The following RELN variants were observed in gnomAD, a reference collection of about 807,000 sequenced individuals.
The protein encoded by RELN is reelin.
In RELN, 108 loss-of-function variants were observed where a neutral mutation model predicts 427.6. That is an observed-to-expected ratio of 0.25 (90% CI 0.22 to 0.30). RELN has a LOEUF of 0.30. Ranked by LOEUF, RELN falls within the 10% of genes least tolerant of loss-of-function variation. RELN has a pLI of 1.00. For missense variants in RELN, 3,715 were observed against 4,302.8 expected, an observed-to-expected ratio of 0.86 and a Z score of 3.82; for synonymous variants, 1,524 against 1,513.4, an observed-to-expected ratio of 1.01 and a Z score of -0.16.
chr7:103,901,613 T>C (rs3898845), intron 2 of RELN, among the ~76,000 whole-genome samples: 65,300 of 151,766 alleles, frequency 0.43, 14,497 homozygotes, highest in East Asian at 0.75. Context: ...ATGGATAAAC[T>C]TGAAAAACAT....
chr7:103,533,955 A>G (rs1829995877), intron 46 of RELN, among the ~76,000 whole-genome samples: 1 of 152,152 alleles, frequency 6.6e-6, no homozygotes, highest in African/African-American at 2.4e-5. Flanking sequence ...GCATGGCAAC[A>G]CCTTTAATGA....
chr7:103,667,171 C>T (rs1353687433), intron 11 of RELN, among the ~76,000 whole-genome samples: 1 of 152,164 alleles, frequency 6.6e-6, no homozygotes, highest in African/African-American at 2.4e-5. Flanking sequence ...GCTCAGCCAG[C>T]CTTGTTGTCA....
chr7:103,792,563 TG>T (rs1792193096), intron 3 of RELN, among the ~76,000 whole-genome samples: 1 of 13,556 alleles, frequency 7.4e-5, no homozygotes, highest in Non-Finnish European at 1.5e-4. Context: ...TTCCGGGGGA[TG>T]GGGGGATGGG....
chr7:103,706,003 C>T (rs1206983491), intron 8 of RELN, among the ~76,000 whole-genome samples: 1 of 152,126 alleles, frequency 6.6e-6, no homozygotes, highest in Non-Finnish European at 1.5e-5. Flanking sequence ...CGTATTTGTT[C>T]ATGGGCTAAA....
At chr7:103,890,106 A>G (rs1049922838) in intron 2 of RELN, among the ~76,000 whole-genome samples, 2 of 151,608 alleles carry the variant, frequency 1.3e-5, no homozygotes, top group Non-Finnish European at 2.9e-5. Flanking sequence ...GCTCATCACT[A>G]TGTCTCTGGT....
chr7:103,989,058 A>C lies in RELN; in HGVS notation c.226+73T>G. 1.5e-6 allele frequency: 2 copies of C among 1,348,968 alleles called. No homozygotes were observed. Among genetic ancestry groups the C allele is most frequent in the Middle Eastern group, 2.2e-4 (1 of 4,574 alleles). The allele number at this position is 1,348,968 out of a possible 1,614,324, so 83.6% of individuals were successfully genotyped here. On this transcript the variant is annotated intron_variant, in intron 1 of 64. Transcript: ENST00000428762. The surrounding 1 kb of genome is among the most constrained non-coding windows in gnomAD (Gnocchi z 4.9). ...CTTGTTTCCAAGGCCCCTTGGAAGA[A>C]GGAAAGGGATGAGAAAGGTGCGCTG...
chr7:103,983,585 C>T (rs1797036409), intron 1 of RELN, among the ~76,000 whole-genome samples: 1 of 152,132 alleles, frequency 6.6e-6, no homozygotes, highest in Non-Finnish European at 1.5e-5. Flanking sequence ...GTTGATGAGA[C>T]TGAAATGCTA....
chr7:103,531,187 G>A (rs77436375), intron 46 of RELN, among the ~76,000 whole-genome samples: 3,813 of 152,212 alleles, frequency 0.025, 148 homozygotes, highest in African/African-American at 0.085. Flanking sequence ...TTTTCATATG[G>A]TGAAAAGGAT....
intron 6 of RELN, among the ~76,000 whole-genome samples, chr7:103,741,161 AGTTAAAACTGCTTATC>A (rs1790644305): frequency 6.6e-6 from 1 of 152,188 alleles, no homozygotes; most frequent in East Asian, 1.9e-4. Context: ...GCTTTGGGAG[AGTTAAAACTGCTTATC>A]AGTTTCCAAA....
chr7:103,914,374 A>C (rs992819013), intron 2 of RELN, among the ~76,000 whole-genome samples: 2 of 152,092 alleles, frequency 1.3e-5, no homozygotes, highest in Non-Finnish European at 2.9e-5. Context: ...GCAATGACAA[A>C]TGATAGTTCC....
At position 103,597,259 on chromosome 7, in the gene RELN, T is replaced by G. The variant is rs78244143; in HGVS notation, c.3334-598A>C. 7.5e-4 allele frequency among the ~76,000 whole-genome samples: 114 copies of G among 152,280 alleles called. 2 individuals are homozygous for G. In the East Asian group the frequency reaches 0.018, roughly 24 times the overall value. On this transcript the variant is annotated intron_variant, in intron 24 of 64. Transcript: ENST00000428762. ...AGATATGGCCCTGACCCTCCTGTCC[T>G]GTGGGCATTAAAGTAGACCAGGCAA...
chr7:103,642,129 T>A (rs936059266), intron 16 of RELN, among the ~76,000 whole-genome samples: 7 of 152,016 alleles, frequency 4.6e-5, no homozygotes, highest in Admixed American at 4.6e-4. Flanking sequence ...GTTGAAAAAA[T>A]TTTTAAAATG....
intron 16 of RELN, among the ~76,000 whole-genome samples, chr7:103,642,104 C>T (rs1219372621): frequency 1.3e-5 from 2 of 151,934 alleles, no homozygotes; most frequent in African/African-American, 4.8e-5. Flanking sequence ...TCACTATTAT[C>T]GGTAATATAG....
chr7:103,538,024 C>T (rs1365363486), intron 45 of RELN, among the ~76,000 whole-genome samples: 2 of 152,204 alleles, frequency 1.3e-5, no homozygotes, highest in Non-Finnish European at 2.9e-5. Flanking sequence ...GGTATCCCAT[C>T]AGGTAGTCTG....
intron 44 of RELN, 57 bp downstream of exon 44, chr7:103,540,140 A>G: frequency 6.2e-7 from 1 of 1,604,002 alleles, no homozygotes; most frequent in Admixed American, 1.7e-5. Context: ...ATGCCTTCTA[A>G]GGCCACATTC....
chr7:103,941,216 A>G (rs942729163), intron 1 of RELN, among the ~76,000 whole-genome samples: 19 of 152,206 alleles, frequency 1.2e-4, no homozygotes, highest in African/African-American at 4.3e-4. Flanking sequence ...CACATCTAGA[A>G]AAAGAGAAAG....
intron 28 of RELN, among the ~76,000 whole-genome samples, chr7:103,580,878 A>T (rs950404865): frequency 5.9e-5 from 9 of 152,164 alleles, no homozygotes; most frequent in Non-Finnish European, 1.0e-4. Context: ...TGTAGCAATG[A>T]TGTGCCACTT....
intron 41 of RELN, among the ~76,000 whole-genome samples, chr7:103,545,668 G>GTCTCAC (rs905050365): frequency 6.6e-6 from 1 of 151,326 alleles, no homozygotes; most frequent in Admixed American, 6.6e-5. Context: ...TTGAGACAGA[G>GTCTCAC]TCTCACTCTG....
chr7:103,764,692 TG>T (rs1253930225), intron 4 of RELN, among the ~76,000 whole-genome samples: 1 of 151,494 alleles, frequency 6.6e-6, no homozygotes, highest in East Asian at 1.9e-4. Context: ...AAAAATTAGC[TG>T]GGCATGGTGG....
Sources: allele counts gnomAD v4.1 joint callset (sites outside exome capture counted in the v4.1 genomes callset), GRCh38; gene constraint gnomAD v4.1.1; non-coding constraint Gnocchi (gnomAD v3.1); transcripts MANE v1.5; gene names NCBI Gene and HGNC (gene_info 2026-07-23, HGNC 2026-07-21).